The following MCTP1 variants were observed in gnomAD, a reference collection of about 807,000 sequenced individuals.
MCTP1 encodes multiple C2 and transmembrane domain-containing protein 1.
A neutral mutation model predicts 120.6 loss-of-function variants in MCTP1; 69 were observed. The observed-to-expected ratio is 0.57, with a 90% CI of 0.47 to 0.70. The LOEUF (loss-of-function observed/expected upper bound fraction) is 0.70, where lower values mean the gene tolerates loss of function less well. Among genes scored for constraint, MCTP1 ranks in the 30% least tolerant of loss-of-function variants. MCTP1 has a pLI of 0.00. For synonymous variants in MCTP1, 529 were observed against 493.1 expected (o/e 1.07, Z -0.96); for missense variants, 1,203 against 1,248.8 (o/e 0.96, Z 0.55).
chr5:94,707,840 A>AT (rs1755111689), intron 22 of MCTP1, among the ~76,000 whole-genome samples: 2 of 151,850 alleles, frequency 1.3e-5, no homozygotes, highest in Non-Finnish European at 2.9e-5. Context: ...ATCTACATCA[A>AT]TTTTTTAAAG....
At chr5:95,009,055 A>AG in intron 2 of MCTP1, among the ~76,000 whole-genome samples, 1 of 67,570 alleles carries the variant, frequency 1.5e-5, no homozygotes, top group Non-Finnish European at 3.2e-5. Context: ...AGAGAGGGAG[A>AG]AAGAGAGAGA....
chr5:95,197,472 A>G (rs992766022), intron 1 of MCTP1, among the ~76,000 whole-genome samples: 2 of 152,212 alleles, frequency 1.3e-5, no homozygotes, highest in East Asian at 1.9e-4. Flanking sequence ...ATCATCATCA[A>G]TTGAGCAATA....
intron 18 of MCTP1, among the ~76,000 whole-genome samples, chr5:94,787,604 C>G (rs893265529): frequency 6.6e-6 from 1 of 151,726 alleles, no homozygotes; most frequent in African/African-American, 2.4e-5. Context: ...ATCTATTAAG[C>G]ACTTACTGTT....
At chr5:95,158,506 C>G (rs562204736) in intron 1 of MCTP1, among the ~76,000 whole-genome samples, 1 of 152,178 alleles carries the variant, frequency 6.6e-6, no homozygotes, top group East Asian at 1.9e-4. Context: ...AAGAAGGATG[C>G]CATTGTTAAG....
intron 2 of MCTP1, among the ~76,000 whole-genome samples, chr5:94,987,862 T>C (rs1830702412): frequency 6.6e-6 from 1 of 152,246 alleles, no homozygotes; most frequent in South Asian, 2.1e-4. Context: ...GGAGAGCTTT[T>C]TAATGTTCAG....
At chr5:94,939,952 G>C (rs1036135206) in intron 5 of MCTP1, 132 bp downstream of exon 5, 1 of 516,146 alleles carries the variant, frequency 1.9e-6, no homozygotes, top group Non-Finnish European at 3.5e-6. Context: ...GCAATACCTA[G>C]GATACTCACA....
At chr5:95,005,181 T>C (rs1834462385) in intron 2 of MCTP1, among the ~76,000 whole-genome samples, 1 of 152,146 alleles carries the variant, frequency 6.6e-6, no homozygotes, top group African/African-American at 2.4e-5. Flanking sequence ...GTAGCTCTTT[T>C]ATTTGGCCAA....
intron 17 of MCTP1, among the ~76,000 whole-genome samples, chr5:94,802,195 A>T (rs1348964176): frequency 1.3e-5 from 2 of 152,184 alleles, no homozygotes; most frequent in Non-Finnish European, 2.9e-5. Context: ...TATTGAAAAA[A>T]TATATATTTT....
chr5:94,813,081 C>A (rs1561678422), intron 17 of MCTP1, among the ~76,000 whole-genome samples: 1 of 152,014 alleles, frequency 6.6e-6, no homozygotes. Context: ...AATAATATAT[C>A]TGATTAAGGA....
At chr5:94,982,878 C>A (rs1376642691) in intron 2 of MCTP1, among the ~76,000 whole-genome samples, 1 of 43,696 alleles carries the variant, frequency 2.3e-5, no homozygotes. Flanking sequence ...ACAGAGCACA[C>A]TTCATCAAAA....
intron 1 of MCTP1, among the ~76,000 whole-genome samples, chr5:95,035,660 C>T (rs956662363): frequency 6.6e-6 from 1 of 152,080 alleles, no homozygotes; most frequent in African/African-American, 2.4e-5. Flanking sequence ...GAAGCCCAAA[C>T]ACCAGTATTA....
intron 1 of MCTP1, among the ~76,000 whole-genome samples, chr5:95,021,890 G>A (rs1838258888): frequency 1.3e-5 from 2 of 152,084 alleles, no homozygotes; most frequent in Admixed American, 6.6e-5. Context: ...TTAACATGAT[G>A]TTTATGAAGC....
At chr5:94,776,393 T>G (rs981999283) in intron 19 of MCTP1, among the ~76,000 whole-genome samples, 7 of 152,098 alleles carry the variant, frequency 4.6e-5, no homozygotes, top group Admixed American at 3.9e-4. Flanking sequence ...CCAGGGGTCT[T>G]GGCAGAATGG....
At chr5:95,256,541 T>C (rs144294945) in intron 1 of MCTP1, among the ~76,000 whole-genome samples, 277 of 152,314 alleles carry the variant, frequency 1.8e-3, no homozygotes, top group Non-Finnish European at 2.7e-3. Context: ...TCCTCCAGCC[T>C]AGGGGTAATA....
At chr5:95,006,339 G>A in intron 2 of MCTP1, among the ~76,000 whole-genome samples, 1 of 151,336 alleles carries the variant, frequency 6.6e-6, no homozygotes, top group South Asian at 2.1e-4. Flanking sequence ...ATATATGTGT[G>A]TATGTGTATG....
Position 95,144,089 on chromosome 5 carries a change from A to G in MCTP1, c.721-126605T>C, listed in dbSNP as rs200796377. On this transcript the variant is annotated intron_variant, in intron 1 of 22. Coordinates refer to ENST00000515393, the MANE Select transcript of MCTP1 (RefSeq NM_024717.7). ...GCATCTACTATCTTTTGACTTTTTAATAAGTGTTATTCTGACTGGTGTGAG... is the reference window on the plus strand; with the variant it reads ...GCATCTACTATCTTTTGACTTTTTAGTAAGTGTTATTCTGACTGGTGTGAG... 7.9e-5 allele frequency among the ~76,000 whole-genome samples: 12 copies of G among 152,158 alleles called. No individual in the cohort carries two copies. The East Asian group carries it at 1.7e-3, about 22-fold the overall frequency.
At chr5:94,731,216 G>A (rs1763065053) in intron 19 of MCTP1, among the ~76,000 whole-genome samples, 1 of 152,086 alleles carries the variant, frequency 6.6e-6, no homozygotes, top group African/African-American at 2.4e-5. Context: ...ATTGTTTTGG[G>A]TCTAATAGGG....
At chr5:95,068,956 C>CTTTTT (rs11357469) in intron 1 of MCTP1, 1 of 189,690 alleles carries the variant, frequency 5.3e-6, no homozygotes, top group Non-Finnish European at 1.0e-5. Context: ...GAGCAGGTAT[C>CTTTTT]TTTTTTTTTT....
chr5:95,210,931 T>G (rs933303912), intron 1 of MCTP1, among the ~76,000 whole-genome samples: 5 of 152,154 alleles, frequency 3.3e-5, no homozygotes, highest in Admixed American at 3.3e-4. Context: ...CCTTCACTTA[T>G]GAAGCTTAGT....
Sources: allele counts gnomAD v4.1 joint callset (sites outside exome capture counted in the v4.1 genomes callset), GRCh38; gene constraint gnomAD v4.1.1; transcripts MANE v1.5; gene names NCBI Gene and HGNC (gene_info 2026-07-23, HGNC 2026-07-21).